The following SLC25A29 variants were observed in gnomAD, a reference collection of about 807,000 sequenced individuals.
The protein encoded by SLC25A29 is mitochondrial basic amino acids transporter.
SLC25A29 carries 13 observed loss-of-function variants against 10.0 expected under a neutral mutation model. That is an observed-to-expected ratio of 1.30 (90% CI 0.85 to 2.07). The LOEUF is 2.07. Among genes scored for constraint, SLC25A29 ranks in the 30% most tolerant of loss-of-function variants. SLC25A29 has a pLI of 0.00. For missense variants in SLC25A29, 475 were observed against 447.6 expected, an observed-to-expected ratio of 1.06 and a Z score of -0.55; for synonymous variants, 244 against 221.1, an observed-to-expected ratio of 1.10 and a Z score of -0.92.
intron 2 of SLC25A29, chr14:100,296,144 G>A (rs1238237287): frequency 5.4e-6 from 4 of 746,734 alleles, no homozygotes; most frequent in African/African-American, 3.7e-5. Flanking sequence ...GGTGTTGGAA[G>A]TGAGGACAGT....
intron 2 of SLC25A29, chr14:100,296,146 G>A (rs1892132580): frequency 1.4e-6 from 1 of 733,230 alleles, no homozygotes; most frequent in Non-Finnish European, 1.9e-6. Context: ...TGTTGGAAGT[G>A]AGGACAGTGG....
chr14:100,287,948 C>T (rs1257838693), downstream of SLC25A29, among the ~76,000 whole-genome samples: 1 of 152,170 alleles, frequency 6.6e-6, no homozygotes, highest in East Asian at 1.9e-4. Context: ...TCCCACTGCA[C>T]CTCCAGGCAT....
chr14:100,290,621 G>A (rs1891641533), downstream of SLC25A29, among the ~76,000 whole-genome samples: 1 of 152,220 alleles, frequency 6.6e-6, no homozygotes, highest in African/African-American at 2.4e-5. Flanking sequence ...CAGAACTGCA[G>A]GTGAGGTGGG....
intron 1 of SLC25A29, chr14:100,299,523 A>G: frequency 1.0e-6 from 1 of 986,852 alleles, no homozygotes; most frequent in Non-Finnish European, 1.2e-6. Flanking sequence ...GAGCCCAGGG[A>G]GACAGCTTGT....
chr14:100,294,114 A>G (rs895557059), intron 2 of SLC25A29: 5 of 152,240 alleles, frequency 3.3e-5, no homozygotes, highest in African/African-American at 1.2e-4. Flanking sequence ...CTCAATAAAT[A>G]AATAAATAAA....
the SLC25A29 span, among the ~76,000 whole-genome samples, chr14:100,284,878 A>C: frequency 1.6e-4 from 24 of 152,154 alleles, 1 homozygote; most frequent in Admixed American, 1.2e-3. Flanking sequence ...CCTCCCTACT[A>C]AAAATACAAA....
intron 1 of SLC25A29, chr14:100,305,817 C>T (rs1369806798): frequency 9.5e-6 from 2 of 211,568 alleles, no homozygotes; most frequent in Non-Finnish European, 1.9e-5. Context: ...AATATACGGC[C>T]GGGGGAGGGG....
chr14:100,306,152 TC>T, intron 1 of SLC25A29, 46 bp downstream of exon 1: 3 of 1,374,272 alleles, frequency 2.2e-6, no homozygotes, highest in South Asian at 1.5e-5. Flanking sequence ...CCGACCTCCC[TC>T]CCCGGACGCC....
chr14:100,293,434 C>T lies in SLC25A29; in HGVS notation c.79-57G>A, dbSNP rs367727816. On this transcript the variant is annotated intron_variant, in intron 2 of 3. Coordinates refer to ENST00000359232, the MANE Select transcript of SLC25A29 (RefSeq NM_001039355.3). Reference sequence around the variant, plus strand: ...AGGCAGGACCAGAGCACCCAGCTCCCGGGTCTGGTGCTTAGGCTGCCTAGG... The same window carrying T: ...AGGCAGGACCAGAGCACCCAGCTCCTGGGTCTGGTGCTTAGGCTGCCTAGG... The T allele has an allele frequency of 8.8e-4, 1,350 of 1,533,550 alleles. 1 individual carries two copies. The highest frequency in any genetic ancestry group is 1.1e-3 in the Non-Finnish European group (1,269 of 1,116,062). 95.0% of individuals were successfully genotyped at this position (1,533,550 alleles called of 1,614,324 possible). A position where few individuals can be genotyped will look rare whatever the true frequency, so the allele number is the denominator to read the frequency against.
downstream of SLC25A29, among the ~76,000 whole-genome samples, chr14:100,289,781 G>C (rs1312362810): frequency 7.2e-6 from 1 of 139,068 alleles, no homozygotes; most frequent in Admixed American, 7.9e-5. Flanking sequence ...GGTAGAGGTT[G>C]CAGTGAGCTG....
the SLC25A29 span, chr14:100,280,844 A>C: frequency 6.6e-6 from 1 of 152,118 alleles, no homozygotes. Context: ...TCTGCCTTGC[A>C]AAACTTACTG....
At chr14:100,288,916 C>T (rs907394169), downstream of SLC25A29, among the ~76,000 whole-genome samples, 1 of 152,204 alleles carries the variant, frequency 6.6e-6, no homozygotes, top group Non-Finnish European at 1.5e-5. Flanking sequence ...GGAACCTGGT[C>T]TCTGCAGATG....
chr14:100,304,403 C>A (rs532241232), intron 1 of SLC25A29, among the ~76,000 whole-genome samples: 1 of 152,334 alleles, frequency 6.6e-6, no homozygotes, highest in Admixed American at 6.5e-5. Flanking sequence ...TGTGACTTTG[C>A]TTTAGTACCC....
In SLC25A29 at chr14:100,292,943, G is replaced by C. The variant is rs577146238; in HGVS notation, c.252C>G (p.Leu84=). The C allele has an allele frequency of 6.4e-5, 103 of 1,606,680 alleles. No individual in the cohort carries two copies. The highest frequency in any genetic ancestry group is 8.5e-5 in the Non-Finnish European group (100 of 1,177,464). ...ALVFGVQGNT[L]RALGHDSPLN... is the part of the protein sequence containing the mutation. ...GGGGCGAGTCGTGGCCCAGGGCCCG[G>C]AGGGTGTTGCCCTGCACCCCGAACA... Residue 84 remains leucine (L), a synonymous_variant, in exon 4 of 4, where the codon CTC becomes CTG. Transcript: ENST00000359232.
At chr14:100,286,475 G>GC (rs34507502), downstream of SLC25A29, among the ~76,000 whole-genome samples, 14 of 141,308 alleles carry the variant, frequency 9.9e-5, 1 homozygote, top group African/African-American at 1.6e-4. Context: ...ATGGCTGGGG[G>GC]GGGGGGTGTT....
chr14:100,283,675 G>A, the SLC25A29 span, among the ~76,000 whole-genome samples: 2 of 151,742 alleles, frequency 1.3e-5, no homozygotes, highest in African/African-American at 2.4e-5. Context: ...AGAGATGGGG[G>A]TTTCACTATG....
At chr14:100,298,024 C>T (rs1256796710) in intron 2 of SLC25A29, 1 of 152,902 alleles carries the variant, frequency 6.5e-6, no homozygotes, top group Non-Finnish European at 1.5e-5. Flanking sequence ...TGCCAACACA[C>T]ACCTAGGCTC....
At chr14:100,296,130 C>T (rs1210717573) in intron 2 of SLC25A29, 3 of 917,318 alleles carry the variant, frequency 3.3e-6, no homozygotes, top group Non-Finnish European at 4.4e-6. Flanking sequence ...CAAAAGGGAC[C>T]CGTGGTGTTG....
the SLC25A29 span, chr14:100,280,703 C>T: frequency 6.6e-6 from 1 of 152,078 alleles, no homozygotes. Context: ...CAATACCTGT[C>T]CGTGTTTCCA....
Sources: allele counts gnomAD v4.1 joint callset (sites outside exome capture counted in the v4.1 genomes callset), GRCh38; gene constraint gnomAD v4.1.1; transcripts MANE v1.5; gene names NCBI Gene and HGNC (gene_info 2026-07-23, HGNC 2026-07-21).